The following TRHR variants were observed in gnomAD, a reference collection of about 807,000 sequenced individuals.
TRHR encodes thyrotropin releasing hormone receptor.
A neutral mutation model predicts 28.0 loss-of-function variants in TRHR; 14 were observed. That is an observed-to-expected ratio of 0.50 (90% CI 0.33 to 0.78). TRHR has a LOEUF of 0.78. TRHR is among the 30% of genes least tolerant of loss of function. TRHR has a pLI of 0.02. For missense variants in TRHR, 438 were observed against 469.5 expected (o/e 0.93, Z 0.62); for synonymous variants, 176 against 171.9 (o/e 1.02, Z -0.18).
At chr8:109,090,514 T>A (rs1241449175) in intron 2 of TRHR, among the ~76,000 whole-genome samples, 1 of 152,208 alleles carries the variant, frequency 6.6e-6, no homozygotes, top group African/African-American at 2.4e-5. Flanking sequence ...GTTCCCTTGT[T>A]GCAAATACCA....
intron 2 of TRHR, among the ~76,000 whole-genome samples, chr8:109,093,492 G>A (rs1204614524): frequency 2.3e-5 from 3 of 128,414 alleles, no homozygotes; most frequent in Non-Finnish European, 4.6e-5. Flanking sequence ...TGCAACCTCC[G>A]ACTCCCGTGT....
In TRHR at chr8:109,117,068, G is replaced by T. The variant is rs144524039; in HGVS notation, c.790-1980G>T. ...GGATTCAACATTTTACCTGACAGTTGTAGGGAAAGATAAAGGTAGTTGAAA... is the reference window on the plus strand; with the variant it reads ...GGATTCAACATTTTACCTGACAGTTTTAGGGAAAGATAAAGGTAGTTGAAA... On this transcript the variant is annotated intron_variant, in intron 2 of 2. Coordinates refer to ENST00000518632, the MANE Select transcript of TRHR (RefSeq NM_003301.7). 2.5e-4 allele frequency among the ~76,000 whole-genome samples: 38 copies of T among 152,094 alleles called. No homozygotes were observed. In the East Asian group the frequency reaches 7.2e-3, roughly 29 times the overall value.
intron 2 of TRHR, among the ~76,000 whole-genome samples, chr8:109,100,008 GA>G (rs1811651671): frequency 5.3e-5 from 8 of 152,152 alleles, no homozygotes; most frequent in Admixed American, 5.2e-4. Context: ...GAGGCAGGGT[GA>G]ATGCAGAGCA....
At chr8:109,109,417 G>A (rs1270291998) in intron 2 of TRHR, among the ~76,000 whole-genome samples, 1 of 151,466 alleles carries the variant, frequency 6.6e-6, no homozygotes, top group African/African-American at 2.4e-5. Context: ...CAGATAAAAA[G>A]TAGGGCCGTT....
Position 109,092,789 on chromosome 8 carries a change from T to C in TRHR, c.789+4488T>C, listed in dbSNP as rs923419884. On this transcript the variant is annotated intron_variant, in intron 2 of 2. Coordinates refer to ENST00000518632, the MANE Select transcript of TRHR (RefSeq NM_003301.7). ...CGCCTTTTGCTGTTATTGGTGATAA[T>C]GACAATGATGCTATAAAAGCAGTCA... Among the ~76,000 whole-genome samples the C allele has an allele frequency of 3.3e-5, 5 of 151,968 alleles. No individual in the cohort carries two copies. In the South Asian group the frequency reaches 1.0e-3, roughly 32 times the overall value.
At chr8:109,097,802 G>GAAT (rs1563622853) in intron 2 of TRHR, among the ~76,000 whole-genome samples, 4 of 152,210 alleles carry the variant, frequency 2.6e-5, no homozygotes, top group African/African-American at 9.6e-5. Context: ...CAATGCCAGA[G>GAAT]AATATCACAT....
intron 2 of TRHR, among the ~76,000 whole-genome samples, chr8:109,117,686 C>T (rs984317759): frequency 4.6e-5 from 7 of 151,766 alleles, no homozygotes; most frequent in African/African-American, 1.7e-4. Context: ...CATCTCCTTC[C>T]AAAGCTTAGA....
intron 2 of TRHR, among the ~76,000 whole-genome samples, chr8:109,110,636 G>A (rs1325107163): frequency 6.6e-6 from 1 of 152,054 alleles, no homozygotes. Context: ...AGCATCCCTG[G>A]GTGGCTTCTT....
rs1299322524 is a variant in TRHR at position 109,120,125 on chromosome 8, A to C, written c.*670A>C. On this transcript the variant is annotated 3_prime_UTR_variant, in exon 3 of 3. Transcript: ENST00000518632. ...TCAAAATATCTGAAATTATTAATTA[A>C]GGAGAAATGTAGATTTTAAGATAAA... is the stretch of plus-strand genomic sequence containing the variant. Among the ~76,000 whole-genome samples, 1 of 151,814 alleles carries C rather than the reference A, an allele frequency of 6.6e-6. No homozygotes were observed. The highest frequency in any genetic ancestry group is 1.5e-5 in the Non-Finnish European group (1 of 67,864).
At chr8:109,094,236 A>AT (rs35374425) in intron 2 of TRHR, among the ~76,000 whole-genome samples, 26 of 148,122 alleles carry the variant, frequency 1.8e-4, no homozygotes, top group Non-Finnish European at 2.1e-4. Context: ...CTCATCTTTC[A>AT]TTTTTTTTTT....
At chr8:109,109,003 C>T (rs560404225) in intron 2 of TRHR, among the ~76,000 whole-genome samples, 1 of 152,278 alleles carries the variant, frequency 6.6e-6, no homozygotes, top group Admixed American at 6.5e-5. Flanking sequence ...CAAATCTTAC[C>T]TAGCACACAG....
At chr8:109,117,179 A>G (rs1328100113) in intron 2 of TRHR, among the ~76,000 whole-genome samples, 1 of 151,988 alleles carries the variant, frequency 6.6e-6, no homozygotes, top group African/African-American at 2.4e-5. Flanking sequence ...ATCATAATGG[A>G]AATAACACAG....
At chr8:109,110,326 A>G (rs1000510074) in intron 2 of TRHR, among the ~76,000 whole-genome samples, 3 of 152,146 alleles carry the variant, frequency 2.0e-5, no homozygotes, top group African/African-American at 7.2e-5. Context: ...TCAAGTTTAC[A>G]GTGAGCTATG....
rs776888323 is a variant in TRHR, at chr8:109,088,080, C to T, written c.568C>T (p.Pro190Ser). 33 of 1,614,142 alleles carry T rather than the reference C, an allele frequency of 2.0e-5. No individual in the cohort carries two copies. The highest frequency in any genetic ancestry group is 2.5e-5 in the Non-Finnish European group (29 of 1,180,034). ...GYKISRNYYS[P>S]IYLMDFGVFY... ...CAAGATCTCCAGGAATTACTACTCACCTATTTACCTAATGGACTTTGGTGT... is the reference window on the plus strand; with the variant it reads ...CAAGATCTCCAGGAATTACTACTCATCTATTTACCTAATGGACTTTGGTGT... The change falls in exon 2 of 3, where the codon CCT becomes TCT. Residue 190 changes from proline to serine, a missense_variant. Pro to Ser is a moderately conservative substitution (Grantham distance 74). Transcript: ENST00000518632.
rs1812002770 is a variant in TRHR at position 109,121,183 on chromosome 8, C to G, written c.*1728C>G. ...GCAAGCAAATATTTGCAGGAAATACCCTAAAACCCTACCTGCATGACAGTA... is the reference window on the plus strand; with the variant it reads ...GCAAGCAAATATTTGCAGGAAATACGCTAAAACCCTACCTGCATGACAGTA... On this transcript the variant is annotated 3_prime_UTR_variant, in exon 3 of 3. Transcript: ENST00000518632. Among the ~76,000 whole-genome samples the G allele has an allele frequency of 6.6e-6, 1 of 151,144 alleles. No homozygotes were observed. The highest frequency in any genetic ancestry group is 1.5e-5 in the Non-Finnish European group (1 of 67,646).
intron 2 of TRHR, among the ~76,000 whole-genome samples, chr8:109,094,961 C>G (rs1459721675): frequency 6.6e-6 from 1 of 151,466 alleles, no homozygotes; most frequent in African/African-American, 2.4e-5. Flanking sequence ...AAGTTCCAGA[C>G]AGATGAAGTC....
chr8:109,094,475 A>G (rs937805775), intron 2 of TRHR, among the ~76,000 whole-genome samples: 3 of 152,048 alleles, frequency 2.0e-5, no homozygotes, highest in African/African-American at 7.2e-5. Context: ...TATATACTTA[A>G]TAGTGTAAAT....
intron 2 of TRHR, among the ~76,000 whole-genome samples, chr8:109,104,643 T>C (rs1291748139): frequency 6.6e-6 from 1 of 152,090 alleles, no homozygotes; most frequent in African/African-American, 2.4e-5. Context: ...GAACAGGACA[T>C]TTTCCCATCA....
chr8:109,099,407 A>C (rs1468922890), intron 2 of TRHR, among the ~76,000 whole-genome samples: 1 of 152,244 alleles, frequency 6.6e-6, no homozygotes, highest in African/African-American at 2.4e-5. Flanking sequence ...AGAGGGCCAA[A>C]GACACGTTTT....
Sources: gnomAD v4.1 joint callset for allele counts (sites outside exome capture counted in the v4.1 genomes callset) on GRCh38, gnomAD v4.1.1 for gene constraint, MANE v1.5 for transcripts, NCBI Gene and HGNC (gene_info 2026-07-23, HGNC 2026-07-21) for gene names.